The following AGFG1 variants were observed in gnomAD, a reference collection of about 807,000 sequenced individuals.
The protein encoded by AGFG1 is arf-GAP domain and FG repeat-containing protein 1.
In AGFG1, 10 loss-of-function variants were observed where a neutral mutation model predicts 60.6. The observed-to-expected ratio is 0.16, with a 90% confidence interval of 0.10 to 0.28. The LOEUF is 0.28. Among genes scored for constraint, AGFG1 ranks in the 10% least tolerant of loss-of-function variants. The pLI is 1.00. For synonymous variants in AGFG1, 247 were observed against 242.9 expected (o/e 1.02, Z -0.16); for missense variants, 537 against 676.5 (o/e 0.79, Z 2.29).
chr2:227,476,793 G>A (rs1392483950), intron 1 of AGFG1, among the ~76,000 whole-genome samples: 1 of 152,058 alleles, frequency 6.6e-6, no homozygotes, highest in East Asian at 1.9e-4. Context: ...AGTGAGCAGG[G>A]ATTTATATTC....
intron 2 of AGFG1, among the ~76,000 whole-genome samples, chr2:227,515,595 T>G (rs1691626712): frequency 6.6e-6 from 1 of 152,124 alleles, no homozygotes; most frequent in African/African-American, 2.4e-5. Context: ...TTTTTCCAAC[T>G]TCTGTCATAT....
At chr2:227,489,259 CT>C in intron 1 of AGFG1, among the ~76,000 whole-genome samples, 1 of 119,556 alleles carries the variant, frequency 8.4e-6, no homozygotes, top group Non-Finnish European at 1.6e-5. Flanking sequence ...GAGACGGAGT[CT>C]CAGTCTGCTG....
At chr2:227,526,692 G>A (rs1020189630) in intron 5 of AGFG1, among the ~76,000 whole-genome samples, 10 of 148,890 alleles carry the variant, frequency 6.7e-5, no homozygotes, top group Admixed American at 2.0e-4. Flanking sequence ...ACAGGCGCCC[G>A]CCACCACTCC....
At chr2:227,548,493 G>C (rs1303512907) in intron 10 of AGFG1, among the ~76,000 whole-genome samples, 1 of 152,160 alleles carries the variant, frequency 6.6e-6, no homozygotes, top group Non-Finnish European at 1.5e-5. Context: ...TTGCCAGTGC[G>C]TTTTGTGAAA....
At chr2:227,548,093 C>T (rs1692708303) in intron 10 of AGFG1, among the ~76,000 whole-genome samples, 1 of 152,086 alleles carries the variant, frequency 6.6e-6, no homozygotes, top group African/African-American at 2.4e-5. Context: ...CACAAAAGGC[C>T]ACATATTTGT....
At chr2:227,474,588 A>G (rs1431896575) in intron 1 of AGFG1, among the ~76,000 whole-genome samples, 1 of 152,212 alleles carries the variant, frequency 6.6e-6, no homozygotes. Flanking sequence ...GTCCTGTGTC[A>G]TAAGTTACCT....
intron 2 of AGFG1, among the ~76,000 whole-genome samples, chr2:227,492,534 A>T (rs572345510): frequency 5.8e-4 from 89 of 152,206 alleles, no homozygotes; most frequent in African/African-American, 1.9e-3. Flanking sequence ...TAGAAAATAT[A>T]TGCAAGCATT....
intron 1 of AGFG1, among the ~76,000 whole-genome samples, chr2:227,490,568 A>T (rs1364007093): frequency 1.6e-5 from 2 of 124,928 alleles, no homozygotes; most frequent in African/African-American, 5.9e-5. Flanking sequence ...ACAGAGCGAG[A>T]CTCCGTCTCA....
intron 1 of AGFG1, among the ~76,000 whole-genome samples, chr2:227,473,705 T>C (rs191433079): frequency 2.0e-5 from 3 of 152,372 alleles, no homozygotes; most frequent in African/African-American, 7.2e-5. Context: ...AAACCTTTGC[T>C]TGTAAGATTA....
rs1692962146 is a variant in AGFG1 at position 227,556,052 on chromosome 2, A to G, written c.*1557A>G. On this transcript the variant is annotated 3_prime_UTR_variant, in exon 13 of 13. Coordinates refer to ENST00000310078, the MANE Select transcript of AGFG1 (RefSeq NM_004504.5). ...TACCCAGCCTAGAGGACATCACTAT[A>G]CTACATCATCTGATGATTATTCTTT... The G allele has an allele frequency of 6.6e-6, 1 of 152,254 alleles. No homozygotes were observed. Among genetic ancestry groups the G allele is most frequent in the Non-Finnish European group, 1.5e-5 (1 of 68,044 alleles). The allele number at this position is 152,254 out of a possible 1,614,324, so 9.4% of individuals were successfully genotyped here. A position where few individuals can be genotyped will look rare whatever the true frequency, so the allele number is the denominator to read the frequency against.
intron 1 of AGFG1, among the ~76,000 whole-genome samples, chr2:227,490,007 G>T (rs547173058): frequency 6.6e-6 from 1 of 152,054 alleles, no homozygotes; most frequent in Non-Finnish European, 1.5e-5. Context: ...GTAAAGACAG[G>T]GTTTTGCCAT....
intron 2 of AGFG1, among the ~76,000 whole-genome samples, chr2:227,500,503 T>C (rs1354516824): frequency 6.6e-6 from 1 of 152,200 alleles, no homozygotes; most frequent in African/African-American, 2.4e-5. Flanking sequence ...CCTAGGTAGC[T>C]ACAGCAAGAC....
chr2:227,481,967 G>A (rs578253951), intron 1 of AGFG1, among the ~76,000 whole-genome samples: 49 of 149,102 alleles, frequency 3.3e-4, no homozygotes, highest in Middle Eastern at 3.4e-3. Flanking sequence ...CCGGGTTCAC[G>A]CCATTTTCCT....
rs546987888 is a variant in AGFG1, at chr2:227,497,761, T to TTTTTTTTTTTG, written c.261+6121_261+6122insTTTTTTTTTTG. ...TTTTTTTTTTTTTTTTTTTTTTTTT[T>TTTTTTTTTTTG]GGGGACGGAGTCTTACTCTGTCGCC... On this transcript the variant is annotated intron_variant, in intron 2 of 12. Coordinates refer to ENST00000310078, the MANE Select transcript of AGFG1 (RefSeq NM_004504.5). Among the ~76,000 whole-genome samples, 15 of 65,150 alleles carry TTTTTTTTTTTG rather than the reference T, an allele frequency of 2.3e-4. 1 individual carries two copies. The highest frequency in any genetic ancestry group is 1.1e-3 in the East Asian group (2 of 1,854). The allele number at this position is 65,150 out of a possible 152,430, so 42.7% of individuals were successfully genotyped here.
chr2:227,523,658 AT>A (rs1273482952), intron 3 of AGFG1, 104 bp from the exon 4 acceptor site: 1 of 1,155,706 alleles, frequency 8.7e-7, no homozygotes, highest in African/African-American at 1.6e-5. Context: ...TTCAGATAAG[AT>A]TAATGGTGAA....
intron 3 of AGFG1, among the ~76,000 whole-genome samples, chr2:227,522,401 G>C (rs570068911): frequency 6.6e-6 from 1 of 152,234 alleles, no homozygotes; most frequent in African/African-American, 2.4e-5. Context: ...ATAACTTCTT[G>C]TATTCATTCT....
chr2:227,492,243 T>G (rs1270964539), intron 2 of AGFG1, among the ~76,000 whole-genome samples: 1 of 152,066 alleles, frequency 6.6e-6, no homozygotes, highest in Non-Finnish European at 1.5e-5. Context: ...GCTCTGTGTT[T>G]TGCTATTAGT....
chr2:227,502,176 A>G (rs1357443896), intron 2 of AGFG1, among the ~76,000 whole-genome samples: 1 of 151,818 alleles, frequency 6.6e-6, no homozygotes, highest in African/African-American at 2.4e-5. Flanking sequence ...CCTTCTTTTG[A>G]GAGTTATGCA....
At chr2:227,511,791 C>CA (rs779019639) in intron 2 of AGFG1, among the ~76,000 whole-genome samples, 9 of 152,118 alleles carry the variant, frequency 5.9e-5, no homozygotes, top group East Asian at 5.8e-4. Flanking sequence ...TGCCTCATGA[C>CA]ATAGCATTTA....
Sources: gnomAD v4.1 joint callset for allele counts (sites outside exome capture counted in the v4.1 genomes callset) on GRCh38, gnomAD v4.1.1 for gene constraint, MANE v1.5 for transcripts, NCBI Gene and HGNC (gene_info 2026-07-23, HGNC 2026-07-21) for gene names.